ME3: variants seen among roughly 807,000 people sequenced by gnomAD.
ME3 encodes the protein NADP-dependent malic enzyme, mitochondrial.
ME3 carries 48 observed loss-of-function variants against 68.9 expected under a neutral mutation model. That is an observed-to-expected ratio of 0.70 (90% CI 0.55 to 0.89). The LOEUF is 0.89. Among genes scored for constraint, ME3 ranks in the 40% least tolerant of loss-of-function variants. The pLI is 0.00. For synonymous variants in ME3, 320 were observed against 318.8 expected (o/e 1.00, Z -0.04); for missense variants, 675 against 797.4 (o/e 0.85, Z 1.85).
chr11:86,478,305 A>C (rs563140663), intron 7 of ME3, among the ~76,000 whole-genome samples: 1 of 132,476 alleles, frequency 7.5e-6, no homozygotes, highest in Non-Finnish European at 1.5e-5. Flanking sequence ...CTCTCCTCTG[A>C]CAATGAAAGC....
At chr11:86,654,199 CTA>C (rs1183430111) in intron 2 of ME3, among the ~76,000 whole-genome samples, 2 of 152,202 alleles carry the variant, frequency 1.3e-5, no homozygotes, top group African/African-American at 2.4e-5. Flanking sequence ...CCTCCTGAAA[CTA>C]TTCCAATCAA....
chr11:86,639,051 C>A (rs943925245), intron 2 of ME3, among the ~76,000 whole-genome samples: 1 of 152,194 alleles, frequency 6.6e-6, no homozygotes, highest in Non-Finnish European at 1.5e-5. Flanking sequence ...TTGCAGGTAA[C>A]ACAGCAGAGC....
chr11:86,487,483 T>G, intron 6 of ME3, 43 bp from the exon 7 acceptor site: 1 of 1,502,178 alleles, frequency 6.7e-7, no homozygotes, highest in Non-Finnish European at 9.1e-7. Flanking sequence ...CTCCCGGTGT[T>G]CCTGTTTTTT....
At chr11:86,652,566 G>C (rs1945525746) in intron 2 of ME3, among the ~76,000 whole-genome samples, 1 of 151,916 alleles carries the variant, frequency 6.6e-6, no homozygotes, top group South Asian at 2.1e-4. Flanking sequence ...TCACCACCAG[G>C]CCTGCCCTAA....
chr11:86,569,937 T>G (rs1945043), intron 2 of ME3, among the ~76,000 whole-genome samples: 34,841 of 152,116 alleles, frequency 0.23, 4,741 homozygotes, highest in Non-Finnish European at 0.31. Flanking sequence ...TTGACTGAGT[T>G]GAGTTTTTTT....
chr11:86,611,616 GGA>G (rs1942585011), intron 2 of ME3, among the ~76,000 whole-genome samples: 4 of 124,634 alleles, frequency 3.2e-5, no homozygotes, highest in African/African-American at 1.2e-4. Flanking sequence ...GGGGGGGGGG[GGA>G]AGAAAAATGA....
chr11:86,520,192 G>C (rs971742150), intron 4 of ME3, among the ~76,000 whole-genome samples: 2 of 152,120 alleles, frequency 1.3e-5, no homozygotes, highest in African/African-American at 4.8e-5. Context: ...GATGTGGAGT[G>C]CTCCTGACTT....
At chr11:86,469,946 C>T (rs879856026) in intron 7 of ME3, among the ~76,000 whole-genome samples, 2 of 151,572 alleles carry the variant, frequency 1.3e-5, no homozygotes, top group Middle Eastern at 3.2e-3. Flanking sequence ...CTGTGTGTGA[C>T]GGTGTGATGA....
rs557085101 is a variant in ME3 at position 86,660,908 on chromosome 11, A to G, written c.183+10854T>C. Among the ~76,000 whole-genome samples the G allele has an allele frequency of 3.0e-4, 46 of 152,340 alleles. No individual in the cohort carries two copies. The South Asian group carries it at 7.7e-3, about 25-fold the overall frequency. On this transcript the variant is annotated intron_variant, in intron 2 of 14. Coordinates refer to ENST00000543262, the Ensembl canonical transcript of ME3. ...TTTTTTGTGGCTTTCAAAATTCTCCAGTCCCCATGGAGTGATCTAAAAGAG... is the reference window on the plus strand; with the variant it reads ...TTTTTTGTGGCTTTCAAAATTCTCCGGTCCCCATGGAGTGATCTAAAAGAG...
chr11:86,599,755 G>A (rs557580997), intron 2 of ME3, among the ~76,000 whole-genome samples: 129 of 152,226 alleles, frequency 8.5e-4, no homozygotes, highest in African/African-American at 2.8e-3. Flanking sequence ...CGGATCTCTT[G>A]GCAGAAACTC....
chr11:86,596,009 C>G (rs1214381606), intron 2 of ME3, among the ~76,000 whole-genome samples: 2 of 152,224 alleles, frequency 1.3e-5, no homozygotes, highest in East Asian at 1.9e-4. Context: ...AACAAGTGTT[C>G]CCACAATCCC....
chr11:86,447,951 C>A (rs1207159091), intron 11 of ME3, among the ~76,000 whole-genome samples, 199 bp downstream of exon 11: 3 of 151,738 alleles, frequency 2.0e-5, no homozygotes, highest in African/African-American at 7.3e-5. Flanking sequence ...CATCACTGAG[C>A]CCTAAATCTG....
intron 2 of ME3, among the ~76,000 whole-genome samples, chr11:86,574,402 G>T (rs74392402): frequency 0.14 from 12,436 of 89,030 alleles, 1,198 homozygotes; most frequent in Middle Eastern, 0.24. Context: ...GTTGCCGGGG[G>T]GGGGGGGGGT....
At chr11:86,534,073 G>GTA in intron 4 of ME3, among the ~76,000 whole-genome samples, 1 of 74,456 alleles carries the variant, frequency 1.3e-5, no homozygotes, top group African/African-American at 4.9e-5. Flanking sequence ...TGAGGTGTGT[G>GTA]TGTGTGTGTA....
chr11:86,587,196 A>G (rs761101164), intron 2 of ME3, among the ~76,000 whole-genome samples: 1 of 152,208 alleles, frequency 6.6e-6, no homozygotes, highest in Non-Finnish European at 1.5e-5. Flanking sequence ...AGGCACAAAG[A>G]TGCGGAGGCC....
At chr11:86,573,372 G>A (rs1957913436) in intron 2 of ME3, among the ~76,000 whole-genome samples, 1 of 150,790 alleles carries the variant, frequency 6.6e-6, no homozygotes, top group Non-Finnish European at 1.5e-5. Flanking sequence ...TGTCCTGAAT[G>A]GTATTGCCTA....
In ME3 at chr11:86,563,226, CTT is replaced by C. The variant is rs199885444; in HGVS notation, c.184-3405_184-3404del. Among the ~76,000 whole-genome samples the C allele has an allele frequency of 6.5e-3, 989 of 152,204 alleles. 8 individuals carry two copies. The highest frequency in any genetic ancestry group is 0.023 in the African/African-American group (942 of 41,548). ...GGGTCCAGTGGTAGCTCTGTTTTAA[CTT>C]TGAGAACTCTCTGGGCTGCTTTCCG... On this transcript the variant is annotated intron_variant, in intron 2 of 14. Coordinates refer to ENST00000543262, the Ensembl canonical transcript of ME3.
intron 7 of ME3, among the ~76,000 whole-genome samples, chr11:86,476,370 C>T (rs1951084777): frequency 6.6e-6 from 1 of 152,224 alleles, no homozygotes; most frequent in South Asian, 2.1e-4. Flanking sequence ...TTGGAGCCAT[C>T]AAAGGCATCC....
At position 86,521,413 on chromosome 11, in the gene ME3, C is replaced by CAA. The variant is rs1565893853; in HGVS notation, c.468-12548_468-12547dup. Among the ~76,000 whole-genome samples the CAA allele has an allele frequency of 1.9e-4, 21 of 112,362 alleles. 1 individual carries two copies. Among genetic ancestry groups the CAA allele is most frequent in the African/African-American group, 6.7e-4 (19 of 28,360 alleles). The allele number at this position is 112,362 out of a possible 152,430, so 73.7% of individuals were successfully genotyped here. On this transcript the variant is annotated intron_variant, in intron 4 of 14. Transcript: ENST00000543262. ...CCATCTCAAAAACAAACAAACAAAA[C>CAA]AAAACAAAACAAAACAAAAATAATA...
Sources: allele counts gnomAD v4.1 joint callset (sites outside exome capture counted in the v4.1 genomes callset), GRCh38; gene constraint gnomAD v4.1.1; transcripts MANE v1.5; gene names NCBI Gene and HGNC (gene_info 2026-07-23, HGNC 2026-07-21).